Variants in SLC8A3 observed in about 807,000 individuals in gnomAD.
SLC8A3 encodes sodium/calcium exchanger 3.
In SLC8A3, 37 loss-of-function variants were observed where a neutral mutation model predicts 65.4. The ratio of observed to expected loss-of-function variants is 0.57; its 90% confidence interval spans 0.44 to 0.74. SLC8A3 has a LOEUF of 0.74. Ranked by LOEUF, SLC8A3 falls within the 30% of genes least tolerant of loss-of-function variation. SLC8A3 has a pLI of 0.00. For synonymous variants in SLC8A3, 461 were observed against 444.5 expected (o/e 1.04, Z -0.47); for missense variants, 1,112 against 1,172.1 (o/e 0.95, Z 0.75).
chr14:70,120,546 G>A (rs1432322076), intron 2 of SLC8A3, among the ~76,000 whole-genome samples: 1 of 152,056 alleles, frequency 6.6e-6, no homozygotes, highest in Non-Finnish European at 1.5e-5. Flanking sequence ...TAATTATTTC[G>A]GCTCTAGCAG....
chr14:70,081,584 AG>A, intron 2 of SLC8A3, among the ~76,000 whole-genome samples: 1 of 152,308 alleles, frequency 6.6e-6, no homozygotes, highest in South Asian at 2.1e-4. Context: ...TGGGTCATCA[AG>A]GTCCAGGTGA....
chr14:70,120,385 T>A (rs1452209471), intron 2 of SLC8A3, among the ~76,000 whole-genome samples: 12 of 152,164 alleles, frequency 7.9e-5, no homozygotes, highest in Admixed American at 7.9e-4. Context: ...GTGGGAAAGG[T>A]GTGCATTTGC....
intron 2 of SLC8A3, among the ~76,000 whole-genome samples, chr14:70,128,427 T>C (rs1894619550): frequency 6.6e-6 from 1 of 152,196 alleles, no homozygotes; most frequent in African/African-American, 2.4e-5. Context: ...GTTCTAGCCA[T>C]ATTTTACTAC....
intron 2 of SLC8A3, among the ~76,000 whole-genome samples, chr14:70,102,559 A>G (rs778531625): frequency 1.2e-4 from 18 of 152,188 alleles, no homozygotes; most frequent in Admixed American, 2.0e-4. Context: ...CAAGGACTTG[A>G]AAGCAGCTAT....
At chr14:70,154,657 A>G (rs1594772125) in intron 2 of SLC8A3, among the ~76,000 whole-genome samples, 1 of 152,190 alleles carries the variant, frequency 6.6e-6, no homozygotes, top group East Asian at 1.9e-4. Context: ...TCATCTGTAC[A>G]TATTTACTTC....
At chr14:70,087,524 C>T (rs141365840) in intron 2 of SLC8A3, among the ~76,000 whole-genome samples, 8 of 152,234 alleles carry the variant, frequency 5.3e-5, no homozygotes, top group African/African-American at 1.9e-4. Context: ...TAATGCTCTG[C>T]CATAAAAAAG....
chr14:70,123,169 C>T (rs868262689), intron 2 of SLC8A3, among the ~76,000 whole-genome samples: 14 of 151,504 alleles, frequency 9.2e-5, no homozygotes, highest in Admixed American at 2.0e-4. Context: ...TGCTTGAACC[C>T]GGGAGGTGGA....
At chr14:70,122,800 G>T (rs1049490924) in intron 2 of SLC8A3, among the ~76,000 whole-genome samples, 3 of 152,086 alleles carry the variant, frequency 2.0e-5, no homozygotes, top group Non-Finnish European at 4.4e-5. Flanking sequence ...GGCCTGGCAC[G>T]GTGGCTCACA....
chr14:70,159,980 G>A (rs1286175230), intron 2 of SLC8A3, among the ~76,000 whole-genome samples: 2 of 152,064 alleles, frequency 1.3e-5, no homozygotes, highest in African/African-American at 4.8e-5. Context: ...CCAACCGCAG[G>A]TTCCACCAAC....
chr14:70,136,677 A>G (rs1324232487), intron 2 of SLC8A3, among the ~76,000 whole-genome samples: 1 of 152,182 alleles, frequency 6.6e-6, no homozygotes, highest in African/African-American at 2.4e-5. Flanking sequence ...CTACCTGCAT[A>G]GGTTCAAAGC....
chr14:70,057,062 G>A (rs982303171), intron 3 of SLC8A3, among the ~76,000 whole-genome samples: 2 of 152,092 alleles, frequency 1.3e-5, no homozygotes, highest in South Asian at 2.1e-4. Flanking sequence ...AACCAGGGGG[G>A]ACATGTCTGT....
At chr14:70,133,675 A>T (rs2140241964) in intron 2 of SLC8A3, among the ~76,000 whole-genome samples, 1 of 152,250 alleles carries the variant, frequency 6.6e-6, no homozygotes, top group African/African-American at 2.4e-5. Flanking sequence ...CCTGGCAGGA[A>T]TTCAAACAAA....
chr14:70,161,831 T>A (rs879552220), intron 2 of SLC8A3, among the ~76,000 whole-genome samples: 1 of 152,388 alleles, frequency 6.6e-6, no homozygotes, highest in South Asian at 2.1e-4. Context: ...CAGATTTTTA[T>A]AGATTTTTAC....
intron 2 of SLC8A3, among the ~76,000 whole-genome samples, chr14:70,105,270 A>C (rs1333764432): frequency 6.6e-6 from 1 of 152,232 alleles, no homozygotes; most frequent in Non-Finnish European, 1.5e-5. Flanking sequence ...CAGAGCTTGC[A>C]GTGAGCCGAG....
chr14:70,167,470 C>A lies in SLC8A3; in HGVS notation c.953G>T (p.Arg318Leu). ...TTTTTGCTTCAGATCCTTGAGAATC[C>A]GGATCATCTCTCTGCGGGACTCATC... ...EVDESRREMI[R>L]ILKDLKQKHP... is the part of the protein sequence containing the mutation. The change falls in exon 2 of 7, where the codon CGG becomes CTG. Residue 318 changes from arginine to leucine, a missense_variant. Arg to Leu is a moderately radical substitution (Grantham distance 102). Transcript: ENST00000356921. 2 of 1,614,068 alleles carry A rather than the reference C, an allele frequency of 1.2e-6. No individual in the cohort carries two copies. Among genetic ancestry groups the A allele is most frequent in the African/African-American group, 1.3e-5 (1 of 75,012 alleles).
chr14:70,172,983 G>C (rs1454583355), intron 1 of SLC8A3, among the ~76,000 whole-genome samples: 1 of 152,186 alleles, frequency 6.6e-6, no homozygotes, highest in Non-Finnish European at 1.5e-5. Flanking sequence ...GATGGAAAAG[G>C]CTGCTGTGGG....
intron 2 of SLC8A3, among the ~76,000 whole-genome samples, chr14:70,083,454 C>T (rs1197496099): frequency 1.3e-5 from 2 of 152,198 alleles, no homozygotes; most frequent in Non-Finnish European, 2.9e-5. Context: ...CAGCTGCAAA[C>T]GTCTTAAGTT....
At chr14:70,113,784 T>C (rs1480735126) in intron 2 of SLC8A3, among the ~76,000 whole-genome samples, 1 of 152,218 alleles carries the variant, frequency 6.6e-6, no homozygotes, top group African/African-American at 2.4e-5. Flanking sequence ...GAGCCACTTC[T>C]GTGCTGAAGG....
At chr14:70,057,307 T>TAGAC (rs1376534103) in intron 3 of SLC8A3, among the ~76,000 whole-genome samples, 3 of 151,286 alleles carry the variant, frequency 2.0e-5, no homozygotes, top group Admixed American at 6.6e-5. Context: ...GATAGATAGA[T>TAGAC]AGATAGATAG....
Sources: gnomAD v4.1 joint callset for allele counts (sites outside exome capture counted in the v4.1 genomes callset) on GRCh38, gnomAD v4.1.1 for gene constraint, MANE v1.5 for transcripts, NCBI Gene and HGNC (gene_info 2026-07-23, HGNC 2026-07-21) for gene names.